The following MAP3K9 variants were observed in gnomAD, a reference collection of about 807,000 sequenced individuals.
MAP3K9 encodes the protein mitogen-activated protein kinase kinase kinase 9.
A neutral mutation model predicts 95.8 loss-of-function variants in MAP3K9; 46 were observed. That is an observed-to-expected ratio of 0.48 (90% CI 0.38 to 0.61). The LOEUF (loss-of-function observed/expected upper bound fraction) is 0.61. Ranked by LOEUF, MAP3K9 falls within the 20% of genes least tolerant of loss-of-function variation. MAP3K9 has a pLI of 0.00. For synonymous variants in MAP3K9, 533 were observed against 593.8 expected (o/e 0.90, Z 1.49); for missense variants, 1,296 against 1,474.3 (o/e 0.88, Z 1.98).
intron 2 of MAP3K9, among the ~76,000 whole-genome samples, chr14:70,772,381 TAG>T (rs201374334): frequency 1.7e-4 from 26 of 149,248 alleles, no homozygotes; most frequent in African/African-American, 2.2e-4. Context: ...ACACCCCTCA[TAG>T]AGAGAGAGAG....
Position 70,780,382 on chromosome 14 carries a change from T to C in MAP3K9, c.821-19200A>G, listed in dbSNP as rs113903440. 2.0e-3 allele frequency among the ~76,000 whole-genome samples: 308 copies of C among 152,328 alleles called. 1 individual carries two copies. Among genetic ancestry groups the C allele is most frequent in the African/African-American group, 6.1e-3 (253 of 41,566 alleles). On this transcript the variant is annotated intron_variant, in intron 2 of 11. Transcript: ENST00000554752. ...ACTCCTTTAACCAGCCCCAACTTTCTATGGGAACTTCACTTTCATCTCTTT... is the reference window on the plus strand; with the variant it reads ...ACTCCTTTAACCAGCCCCAACTTTCCATGGGAACTTCACTTTCATCTCTTT...
At chr14:70,805,907 A>G (rs1045697326) in intron 1 of MAP3K9, among the ~76,000 whole-genome samples, 13 of 152,250 alleles carry the variant, frequency 8.5e-5, no homozygotes, top group African/African-American at 3.1e-4. Context: ...AGCCTGGGCG[A>G]CAGAGTGAAA....
chr14:70,738,004 A>G (rs2054008783), intron 8 of MAP3K9, among the ~76,000 whole-genome samples: 1 of 152,214 alleles, frequency 6.6e-6, no homozygotes, highest in African/African-American at 2.4e-5. Context: ...TGACAGGGCC[A>G]TAGGAATCAC....
At chr14:70,802,658 G>A (rs975367292) in intron 1 of MAP3K9, among the ~76,000 whole-genome samples, 1 of 152,044 alleles carries the variant, frequency 6.6e-6, no homozygotes, top group African/African-American at 2.4e-5. Context: ...ACCAAATGAG[G>A]TCAGGCCCCT....
intron 2 of MAP3K9, among the ~76,000 whole-genome samples, chr14:70,785,826 G>A (rs541807458): frequency 4.6e-5 from 7 of 152,292 alleles, no homozygotes; most frequent in Non-Finnish European, 1.0e-4. Flanking sequence ...AGACTTCATT[G>A]CGCTACTCAG....
At chr14:70,783,486 C>T (rs1359607651) in intron 2 of MAP3K9, 1 of 832,032 alleles carries the variant, frequency 1.2e-6, no homozygotes, top group Non-Finnish European at 1.4e-6. Context: ...CCCCTTTCCT[C>T]CCATCACAAA....
At chr14:70,796,182 A>G (rs914813561) in intron 2 of MAP3K9, among the ~76,000 whole-genome samples, 1 of 152,206 alleles carries the variant, frequency 6.6e-6, no homozygotes, top group Non-Finnish European at 1.5e-5. Flanking sequence ...TCCATTTAAG[A>G]CCATCTTTCA....
At chr14:70,764,139 T>C (rs1323367438) in intron 2 of MAP3K9, among the ~76,000 whole-genome samples, 2 of 117,648 alleles carry the variant, frequency 1.7e-5, no homozygotes, top group East Asian at 2.5e-4. Context: ...TGAGCCGAGA[T>C]TGCGCCACTG....
rs2053836338 is a variant in MAP3K9 at position 70,727,614 on chromosome 14, T to C, written c.*2766A>G. 6.6e-6 allele frequency: 1 copy of C among 152,200 alleles called. No homozygotes were observed. The highest frequency in any genetic ancestry group is 2.1e-4 in the South Asian group (1 of 4,818). 9.4% of individuals were successfully genotyped at this position (152,200 alleles called of 1,614,324 possible). A position where few individuals can be genotyped will look rare whatever the true frequency, so the allele number is the denominator to read the frequency against. On this transcript the variant is annotated 3_prime_UTR_variant, in exon 12 of 12. Coordinates refer to ENST00000554752, the MANE Select transcript of MAP3K9 (RefSeq NM_001284230.2). ...CTGAGACCTGCTACTACTATACAGATCCTTAGCCCATCTCCAACCTTGCCC... is the reference window on the plus strand; with the variant it reads ...CTGAGACCTGCTACTACTATACAGACCCTTAGCCCATCTCCAACCTTGCCC...
chr14:70,748,651 A>G (rs572501298), intron 5 of MAP3K9, among the ~76,000 whole-genome samples, 178 bp downstream of exon 5: 12 of 152,338 alleles, frequency 7.9e-5, no homozygotes, highest in Admixed American at 4.6e-4. Context: ...ATTTTGCCCA[A>G]CTGCATTCTT....
At chr14:70,797,895 T>C (rs191276568) in intron 2 of MAP3K9, among the ~76,000 whole-genome samples, 2 of 152,198 alleles carry the variant, frequency 1.3e-5, no homozygotes, top group East Asian at 3.9e-4. Context: ...ACATGTAAGA[T>C]TTACAACTAG....
chr14:70,805,729 G>A (rs1216297581), intron 1 of MAP3K9, among the ~76,000 whole-genome samples: 1 of 152,078 alleles, frequency 6.6e-6, no homozygotes, highest in Non-Finnish European at 1.5e-5. Context: ...AACCAGCCTG[G>A]GCAACAAAGC....
chr14:70,733,071 C>T lies in MAP3K9; in HGVS notation c.2298G>A (p.Gly766=), dbSNP rs779518646. The part of the protein sequence containing the change: ...CGAVLAATGL[G]FDLLEAGKCQ... ...ACTTGCCAGCTTCCAGCAAGTCAAA[C>T]CCTAGGCCTGTGGCTGCCAGAACAG... Residue 766 remains glycine (G), a synonymous_variant, in exon 11 of 12, where the codon GGG becomes GGA. Coordinates refer to ENST00000554752, the MANE Select transcript of MAP3K9 (RefSeq NM_001284230.2). The T allele has an allele frequency of 6.2e-7, 1 of 1,614,180 alleles. No homozygotes were observed. Among genetic ancestry groups the T allele is most frequent in the Admixed American group, 1.7e-5 (1 of 60,026 alleles).
intron 2 of MAP3K9, among the ~76,000 whole-genome samples, chr14:70,794,935 C>T (rs71425385): frequency 0.24 from 35,973 of 149,204 alleles, 4,598 homozygotes; most frequent in East Asian, 0.34. Context: ...TCTCGGCCTC[C>T]CAATGTGCTA....
intron 2 of MAP3K9, among the ~76,000 whole-genome samples, chr14:70,769,515 A>C (rs2054502879): frequency 6.6e-6 from 1 of 152,216 alleles, no homozygotes. Flanking sequence ...AATTAACAGA[A>C]ACTGGGTGGC....
At chr14:70,804,609 C>T (rs1394773444) in intron 1 of MAP3K9, among the ~76,000 whole-genome samples, 2 of 152,152 alleles carry the variant, frequency 1.3e-5, no homozygotes, top group Non-Finnish European at 2.9e-5. Context: ...TGTACCCTCC[C>T]TTCTTTCCTC....
At chr14:70,761,248 G>A (rs2054370946) in intron 2 of MAP3K9, 66 bp from the exon 3 acceptor site, 4 of 1,353,198 alleles carry the variant, frequency 3.0e-6, no homozygotes, top group Non-Finnish European at 4.1e-6. Context: ...CCACAGAACA[G>A]AACTCTTCTG....
At chr14:70,739,640 GA>G (rs373779954) in intron 7 of MAP3K9, among the ~76,000 whole-genome samples, 4 of 148,452 alleles carry the variant, frequency 2.7e-5, no homozygotes, top group East Asian at 2.0e-4. Flanking sequence ...CCTATACTTT[GA>G]AAAAAAAACC....
At chr14:70,776,840 T>C (rs1201875944) in intron 2 of MAP3K9, among the ~76,000 whole-genome samples, 8 of 151,974 alleles carry the variant, frequency 5.3e-5, no homozygotes, top group Non-Finnish European at 8.8e-5. Flanking sequence ...TCACTTTTTT[T>C]TTTTTTTTTG....
Sources: allele counts gnomAD v4.1 joint callset (sites outside exome capture counted in the v4.1 genomes callset), GRCh38; gene constraint gnomAD v4.1.1; transcripts MANE v1.5; gene names NCBI Gene and HGNC (gene_info 2026-07-23, HGNC 2026-07-21).